Variants in NALF1 observed in about 807,000 individuals in gnomAD.
NALF1 encodes the protein family with sequence similarity 155 member A.
A neutral mutation model predicts 48.4 loss-of-function variants in NALF1; 3 were observed. That is an observed-to-expected ratio of 0.06 (90% CI 0.03 to 0.16). The LOEUF is 0.16. NALF1 is among the 10% of genes least tolerant of loss of function. The pLI is 1.00. For missense variants in NALF1, 526 were observed against 571.5 expected (o/e 0.92, Z 0.81); for synonymous variants, 262 against 245.7 (o/e 1.07, Z -0.62).
rs10710356 is a variant in NALF1, at chr13:107,403,188, C to CTTTTTTTTTTTTTTTT, written c.916-192449_916-192434dup. ...TTCTGCTTGGTTTCTCTTGTTCGGG[C>CTTTTTTTTTTTTTTTT]TTTTTTTTTTTTTTTTTTTTTTTTT... On this transcript the variant is annotated intron_variant, in intron 1 of 2. Transcript: ENST00000375915. Among the ~76,000 whole-genome samples, 42 of 42,488 alleles carry CTTTTTTTTTTTTTTTT rather than the reference C, an allele frequency of 9.9e-4. 1 individual carries two copies. Among genetic ancestry groups the CTTTTTTTTTTTTTTTT allele is most frequent in the Non-Finnish European group, 1.2e-3 (30 of 24,120 alleles). The allele number at this position is 42,488 out of a possible 152,430, so 27.9% of individuals were successfully genotyped here.
At position 107,368,822 on chromosome 13, in the gene NALF1, C is replaced by G. The variant is rs368809743; in HGVS notation, c.916-158067G>C. 4.6e-5 allele frequency among the ~76,000 whole-genome samples: 7 copies of G among 152,316 alleles called. No individual in the cohort carries two copies. In the East Asian group the frequency reaches 1.2e-3, roughly 25 times the overall value. ...TCTTGGAATTGGCCTGTGGACATAT[C>G]TTTTGGGGGCCACTATTCACGCCTC... is the stretch of plus-strand genomic sequence containing the variant. On this transcript the variant is annotated intron_variant, in intron 1 of 2. Transcript: ENST00000375915.
intron 1 of NALF1, among the ~76,000 whole-genome samples, chr13:107,826,835 T>C (rs565186682): frequency 3.9e-5 from 6 of 152,296 alleles, no homozygotes; most frequent in African/African-American, 7.2e-5. Flanking sequence ...AGTTTTCTCA[T>C]TGGAACGAGA....
chr13:107,657,258 T>G (rs1260269598), intron 1 of NALF1, among the ~76,000 whole-genome samples: 1 of 152,194 alleles, frequency 6.6e-6, no homozygotes, highest in African/African-American at 2.4e-5. Flanking sequence ...AGTTTACTTC[T>G]GTGTGTATAT....
At chr13:107,435,341 CA>C (rs1279667597) in intron 1 of NALF1, among the ~76,000 whole-genome samples, 4 of 149,408 alleles carry the variant, frequency 2.7e-5, no homozygotes, top group Non-Finnish European at 4.5e-5. Flanking sequence ...AAAAAAAAAT[CA>C]AAAGTCTACT....
At chr13:107,325,193 T>C (rs1882328666) in intron 1 of NALF1, among the ~76,000 whole-genome samples, 3 of 152,150 alleles carry the variant, frequency 2.0e-5, no homozygotes, top group African/African-American at 7.2e-5. Context: ...ATAGTGTGCA[T>C]ATTATAAGAC....
intron 1 of NALF1, among the ~76,000 whole-genome samples, chr13:107,729,315 A>G (rs1033827732): frequency 5.9e-5 from 9 of 152,332 alleles, no homozygotes; most frequent in African/African-American, 2.2e-4. Context: ...CTGACCTAAT[A>G]CAAAATTTGG....
At chr13:107,231,054 C>G (rs867233839) in intron 1 of NALF1, among the ~76,000 whole-genome samples, 19 of 101,320 alleles carry the variant, frequency 1.9e-4, no homozygotes, top group African/African-American at 7.3e-4. Context: ...GAGCAAGACC[C>G]GGCCAAAAAA....
intron 1 of NALF1, among the ~76,000 whole-genome samples, chr13:107,516,507 TTTA>T (rs1320806229): frequency 6.6e-6 from 1 of 152,214 alleles, no homozygotes; most frequent in African/African-American, 2.4e-5. Context: ...GTTTTTCAGC[TTTA>T]TTAATGTATG....
chr13:107,308,325 C>G (rs1262223724), intron 1 of NALF1, among the ~76,000 whole-genome samples: 1 of 151,496 alleles, frequency 6.6e-6, no homozygotes, highest in Middle Eastern at 3.4e-3. Flanking sequence ...CCTCAGCCTC[C>G]TGAGTAGCTG....
At chr13:107,320,219 C>T (rs1219084118) in intron 1 of NALF1, among the ~76,000 whole-genome samples, 3 of 151,976 alleles carry the variant, frequency 2.0e-5, no homozygotes, top group African/African-American at 7.2e-5. Flanking sequence ...AAAATATGGC[C>T]ATTTTCATCC....
intron 1 of NALF1, among the ~76,000 whole-genome samples, chr13:107,507,050 T>G (rs983259781): frequency 6.6e-6 from 1 of 152,166 alleles, no homozygotes; most frequent in African/African-American, 2.4e-5. Context: ...GAATTTCTTG[T>G]GTATGGCCAA....
intron 1 of NALF1, among the ~76,000 whole-genome samples, chr13:107,767,883 G>A (rs1470279762): frequency 6.6e-6 from 1 of 152,102 alleles, no homozygotes; most frequent in East Asian, 1.9e-4. Flanking sequence ...TGTTTTATAT[G>A]AGAAGAGACA....
chr13:107,470,048 T>C (rs1422957928), intron 1 of NALF1, among the ~76,000 whole-genome samples: 1 of 152,142 alleles, frequency 6.6e-6, no homozygotes, highest in East Asian at 1.9e-4. Flanking sequence ...CGACCAACTA[T>C]GTATCTTTTT....
At chr13:107,381,492 G>A (rs943315039) in intron 1 of NALF1, among the ~76,000 whole-genome samples, 10 of 152,048 alleles carry the variant, frequency 6.6e-5, no homozygotes, top group African/African-American at 2.2e-4. Context: ...CACCACACCC[G>A]GTAGAAAACA....
At chr13:107,289,330 C>T (rs1174125897) in intron 1 of NALF1, among the ~76,000 whole-genome samples, 1 of 152,164 alleles carries the variant, frequency 6.6e-6, no homozygotes, top group Admixed American at 6.5e-5. Flanking sequence ...CTCTCTGAAG[C>T]ATCAAAGTTT....
chr13:107,391,699 A>G (rs1056617673), intron 1 of NALF1, among the ~76,000 whole-genome samples: 1 of 152,194 alleles, frequency 6.6e-6, no homozygotes, highest in South Asian at 2.1e-4. Context: ...GTCTTCAGAC[A>G]AATTCAACCG....
chr13:107,614,132 T>C (rs1204734411), intron 1 of NALF1, among the ~76,000 whole-genome samples: 2 of 152,218 alleles, frequency 1.3e-5, no homozygotes, highest in African/African-American at 2.4e-5. Context: ...ACTTTGAGTA[T>C]GGGCATAGGG....
intron 1 of NALF1, among the ~76,000 whole-genome samples, chr13:107,777,595 C>T (rs961297490): frequency 3.3e-5 from 5 of 152,178 alleles, no homozygotes; most frequent in Admixed American, 6.5e-5. Flanking sequence ...ATGTAAAGTG[C>T]CTGCTCCAGC....
intron 1 of NALF1, among the ~76,000 whole-genome samples, chr13:107,215,834 A>G (rs1879862396): frequency 7.5e-6 from 1 of 134,166 alleles, no homozygotes; most frequent in African/African-American, 2.5e-5. Context: ...ATGCCCTATG[A>G]TTAATATTTT....
Sources: gnomAD v4.1 joint callset for allele counts (sites outside exome capture counted in the v4.1 genomes callset) on GRCh38, gnomAD v4.1.1 for gene constraint, MANE v1.5 for transcripts, NCBI Gene and HGNC (gene_info 2026-07-23, HGNC 2026-07-21) for gene names.